ZCWPW2: variants seen among roughly 807,000 people sequenced by gnomAD.
ZCWPW2 encodes the protein zinc finger CW-type and PWWP domain containing 2, also known as zinc finger CW-type PWWP domain protein 2.
ZCWPW2 carries 45 observed loss-of-function variants against 46.6 expected under a neutral mutation model. The observed-to-expected ratio is 0.96, with a 90% CI of 0.76 to 1.24. The LOEUF is 1.24. ZCWPW2 is among the 50% of genes most tolerant of loss of function. The pLI is 0.00. For missense variants in ZCWPW2, 429 were observed against 403.9 expected, an observed-to-expected ratio of 1.06 and a Z score of -0.53; for synonymous variants, 152 against 137.1, an observed-to-expected ratio of 1.11 and a Z score of -0.76.
At chr3:28,425,184 G>A (rs1352065488) in intron 3 of ZCWPW2, among the ~76,000 whole-genome samples, 1 of 152,074 alleles carries the variant, frequency 6.6e-6, no homozygotes, top group Non-Finnish European at 1.5e-5. Flanking sequence ...TATGATTAGG[G>A]ACATCAAAAT....
At chr3:28,384,202 T>C (rs1695194445) in intron 1 of ZCWPW2, among the ~76,000 whole-genome samples, 2 of 152,190 alleles carry the variant, frequency 1.3e-5, no homozygotes, top group African/African-American at 4.8e-5. Flanking sequence ...ACAGTCTTCT[T>C]TCCTTGCTTT....
chr3:28,357,567 G>C lies in ZCWPW2; in HGVS notation c.-134+8364G>C, dbSNP rs182906415. 4.2e-4 allele frequency among the ~76,000 whole-genome samples: 64 copies of C among 151,980 alleles called. 1 individual carries two copies. The highest frequency in any genetic ancestry group is 1.5e-3 in the African/African-American group (63 of 41,482). ...CTGACTAGAACCAAAGGTAGACAAA[G>C]GGAGAATTCGTGCTCTCTCTGCTTG... On this transcript the variant is annotated intron_variant, in intron 1 of 9. Transcript: ENST00000383768.
At position 28,479,024 on chromosome 3, in the gene ZCWPW2, C is replaced by G. The variant is rs534190781; in HGVS notation, c.610+93C>G. 6.5e-5 allele frequency: 49 copies of G among 757,882 alleles called. No individual in the cohort carries two copies. The South Asian group carries it at 9.5e-4, about 15-fold the overall frequency. 46.9% of individuals were successfully genotyped at this position (757,882 alleles called of 1,614,324 possible). A position where few individuals can be genotyped will look rare whatever the true frequency, so the allele number is the denominator to read the frequency against. On this transcript the variant is annotated intron_variant, in intron 5 of 9. Coordinates refer to ENST00000383768, the MANE Select transcript of ZCWPW2 (RefSeq NM_001040432.4). Reference sequence around the variant, plus strand: ...TGTTTGCTCATTCAAAAATCTCTATCTCTTTCTCTTCATAGGGAAATAGTA... The same window carrying G: ...TGTTTGCTCATTCAAAAATCTCTATGTCTTTCTCTTCATAGGGAAATAGTA...
At chr3:28,479,075 T>C in intron 5 of ZCWPW2, 144 bp downstream of exon 5, 1 of 568,544 alleles carries the variant, frequency 1.8e-6, no homozygotes, top group Admixed American at 3.9e-5. Context: ...GAAAATTATT[T>C]TTATATCAAT....
intron 6 of ZCWPW2, among the ~76,000 whole-genome samples, chr3:28,513,278 TTTGTC>T (rs756437756): frequency 7.9e-5 from 12 of 152,230 alleles, no homozygotes; most frequent in Non-Finnish European, 1.8e-4. Context: ...TTTGCTTACT[TTTGTC>T]TTGGTGATTT....
intron 4 of ZCWPW2, among the ~76,000 whole-genome samples, chr3:28,435,765 C>T (rs567607581): frequency 1.1e-4 from 16 of 152,090 alleles, no homozygotes; most frequent in Admixed American, 3.9e-4. Context: ...GGATTACAGG[C>T]GTGAGCCACT....
In ZCWPW2 at chr3:28,478,903, G is replaced by A; in HGVS notation, c.582G>A (p.Leu194=). The A allele has an allele frequency of 6.3e-7, 1 of 1,586,164 alleles. No homozygotes were observed. Among genetic ancestry groups the A allele is most frequent in the Non-Finnish European group, 8.5e-7 (1 of 1,170,140 alleles). The change falls in exon 5 of 10, where the codon CTG becomes CTA. Residue 194 remains leucine, a synonymous_variant. Transcript: ENST00000383768. ...ATGGATATTCTCATGAGCAAAGACTGGAAATGTGCTGCCTATCAAAACTAC... is the reference window on the plus strand; with the variant it reads ...ATGGATATTCTCATGAGCAAAGACTAGAAATGTGCTGCCTATCAAAACTAC... ...LLYGYSHEQR[L]EMCCLSKLQD... is the part of the protein sequence containing the mutation.
chr3:28,423,945 G>A (rs1269030690), intron 3 of ZCWPW2, among the ~76,000 whole-genome samples: 1 of 152,006 alleles, frequency 6.6e-6, no homozygotes, highest in Non-Finnish European at 1.5e-5. Flanking sequence ...CATGTGGGTA[G>A]CTTACCACTT....
intron 4 of ZCWPW2, among the ~76,000 whole-genome samples, chr3:28,441,226 A>G (rs1008432385): frequency 2.0e-5 from 3 of 152,192 alleles, no homozygotes; most frequent in African/African-American, 7.2e-5. Context: ...TGGGATACAA[A>G]TATCTTCACC....
intron 1 of ZCWPW2, 114 bp from the exon 2 acceptor site, chr3:28,390,384 C>T (rs1022604120): frequency 4.6e-6 from 4 of 874,632 alleles, no homozygotes; most frequent in Admixed American, 1.2e-4. Flanking sequence ...AAGTTTTTAC[C>T]AAATTTATGC....
intron 3 of ZCWPW2, among the ~76,000 whole-genome samples, chr3:28,425,494 C>T (rs1696969345): frequency 6.6e-6 from 1 of 152,132 alleles, no homozygotes; most frequent in Admixed American, 6.5e-5. Context: ...TAGCTGCTGG[C>T]CTCAGAGATA....
chr3:28,382,054 C>T (rs967366870), intron 1 of ZCWPW2, among the ~76,000 whole-genome samples: 7 of 148,450 alleles, frequency 4.7e-5, no homozygotes, highest in Non-Finnish European at 7.4e-5. Context: ...CCCATCTACT[C>T]GGGAGGCTGA....
chr3:28,397,397 C>T (rs546139725), intron 2 of ZCWPW2, among the ~76,000 whole-genome samples: 41 of 151,972 alleles, frequency 2.7e-4, no homozygotes, highest in Non-Finnish European at 4.9e-4. Context: ...GGGCTGGGCG[C>T]GGTGGCTCAT....
chr3:28,397,833 A>T (rs1313832350), intron 2 of ZCWPW2, among the ~76,000 whole-genome samples: 1 of 152,220 alleles, frequency 6.6e-6, no homozygotes, highest in African/African-American at 2.4e-5. Flanking sequence ...TAAGTTGCTT[A>T]GAACTATTTA....
At chr3:28,493,611 C>T (rs1173963208) in intron 6 of ZCWPW2, among the ~76,000 whole-genome samples, 13 of 95,602 alleles carry the variant, frequency 1.4e-4, no homozygotes, top group African/African-American at 4.3e-4. Flanking sequence ...AATAAACATA[C>T]GTGTGCATGT....
At chr3:28,509,253 C>G (rs1407878271) in intron 6 of ZCWPW2, among the ~76,000 whole-genome samples, 2 of 152,002 alleles carry the variant, frequency 1.3e-5, no homozygotes, top group African/African-American at 4.8e-5. Flanking sequence ...GTTGTTTCTA[C>G]TCTTTGGCTA....
In ZCWPW2 at chr3:28,474,586, CGTGTGTGTGTGTGTGT is replaced by C. The variant is rs71087699; in HGVS notation, c.493-4208_493-4193del. The stretch of plus-strand genomic sequence containing the variant: ...CCATATTTCTTGCCTTTAAATACAG[CGTGTGTGTGTGTGTGT>C]GTGTGTGTGTGTGTGTGTGCGCGCG... On this transcript the variant is annotated intron_variant, in intron 4 of 9. Coordinates refer to ENST00000383768, the MANE Select transcript of ZCWPW2 (RefSeq NM_001040432.4). 5.4e-3 allele frequency among the ~76,000 whole-genome samples: 730 copies of C among 136,196 alleles called. 6 individuals are homozygous for C. The highest frequency in any genetic ancestry group is 7.6e-3 in the Non-Finnish European group (491 of 64,430). 89.3% of individuals were successfully genotyped at this position (136,196 alleles called of 152,430 possible). A position where few individuals can be genotyped will look rare whatever the true frequency, so the allele number is the denominator to read the frequency against.
chr3:28,493,456 A>G (rs1342379760), intron 6 of ZCWPW2, among the ~76,000 whole-genome samples: 1 of 115,704 alleles, frequency 8.6e-6, no homozygotes, highest in East Asian at 3.5e-4. Flanking sequence ...AATTTCATCC[A>G]TGTCCCTACA....
intron 5 of ZCWPW2, among the ~76,000 whole-genome samples, chr3:28,491,180 A>G (rs1321033243): frequency 6.6e-6 from 1 of 152,100 alleles, no homozygotes; most frequent in African/African-American, 2.4e-5. Flanking sequence ...CTAACCTTAT[A>G]CATTCATTAG....
Sources: allele counts gnomAD v4.1 joint callset (sites outside exome capture counted in the v4.1 genomes callset), GRCh38; gene constraint gnomAD v4.1.1; transcripts MANE v1.5; gene names NCBI Gene and HGNC (gene_info 2026-07-23, HGNC 2026-07-21).